The following DLC1 variants were observed in gnomAD, a reference collection of about 807,000 sequenced individuals.
The protein encoded by DLC1 is DLC1 Rho GTPase activating protein, also known as rho GTPase-activating protein 7.
A neutral mutation model predicts 140.3 loss-of-function variants in DLC1; 54 were observed. The ratio of observed to expected loss-of-function variants is 0.38; its 90% CI spans 0.31 to 0.48. The LOEUF is 0.48. DLC1 is among the 20% of genes least tolerant of loss of function. The pLI is 0.96. For synonymous variants in DLC1, 986 were observed against 728.1 expected (o/e 1.35, Z -5.70); for missense variants, 2,536 against 1,907.0 (o/e 1.33, Z -6.14).
intron 6 of DLC1, among the ~76,000 whole-genome samples, chr8:13,112,712 T>C (rs1189884621): frequency 6.6e-6 from 1 of 152,154 alleles, no homozygotes; most frequent in Non-Finnish European, 1.5e-5. Flanking sequence ...TTTTTGTTTG[T>C]TTTCAAATTT....
At chr8:13,459,611 C>T (rs1286410622) in intron 2 of DLC1, among the ~76,000 whole-genome samples, 1 of 152,086 alleles carries the variant, frequency 6.6e-6, no homozygotes, top group African/African-American at 2.4e-5. Flanking sequence ...GAGCCCTGGG[C>T]CCCAGGACCC....
intron 5 of DLC1, among the ~76,000 whole-genome samples, chr8:13,258,036 C>A (rs17127890): frequency 1.3e-5 from 2 of 152,134 alleles, no homozygotes; most frequent in Non-Finnish European, 2.9e-5. Flanking sequence ...CAAGGAGCCA[C>A]AATTAAGTAA....
chr8:13,328,612 A>C (rs954932492), intron 4 of DLC1, among the ~76,000 whole-genome samples: 2 of 152,182 alleles, frequency 1.3e-5, no homozygotes, highest in Non-Finnish European at 2.9e-5. Flanking sequence ...GTGAGAATAG[A>C]GGTCTTGGCT....
rs1310236141 is a variant in DLC1, at chr8:13,084,397, C to A, written c.*1414G>T. ...AAAAATCCTTCTTACAGCTCTCATT[C>A]ATACATTATTCACTTTTGATCCATA... On this transcript the variant is annotated 3_prime_UTR_variant, in exon 18 of 18. Transcript: ENST00000276297. 1 of 152,564 alleles carries A rather than the reference C, an allele frequency of 6.6e-6. No individual in the cohort carries two copies. The highest frequency in any genetic ancestry group is 1.5e-5 in the Non-Finnish European group (1 of 68,022). The allele number at this position is 152,564 out of a possible 1,614,324, so 9.5% of individuals were successfully genotyped here. A position where few individuals can be genotyped will look rare whatever the true frequency, so the allele number is the denominator to read the frequency against.
chr8:13,602,844 C>G (rs565977801), intron 1 of DLC1, among the ~76,000 whole-genome samples: 1 of 151,758 alleles, frequency 6.6e-6, no homozygotes, highest in African/African-American at 2.4e-5. Flanking sequence ...TCCCACGTTA[C>G]TTAAAAAGAG....
chr8:13,092,484 G>A, intron 13 of DLC1, 128 bp downstream of exon 13: 2 of 969,038 alleles, frequency 2.1e-6, no homozygotes, highest in East Asian at 2.7e-5. Context: ...GTGTGAGAAT[G>A]GACTAATATA....
intron 2 of DLC1, among the ~76,000 whole-genome samples, chr8:13,489,664 C>G (rs966138347): frequency 7.6e-4 from 115 of 151,800 alleles, no homozygotes; most frequent in African/African-American, 2.7e-3. Context: ...GGACTGAAAC[C>G]CAGGCAGTTT....
At chr8:13,487,371 T>A (rs1422070351) in intron 2 of DLC1, among the ~76,000 whole-genome samples, 1 of 152,150 alleles carries the variant, frequency 6.6e-6, no homozygotes, top group Non-Finnish European at 1.5e-5. Context: ...TGGAAATTCA[T>A]CAATGAATTT....
At position 13,141,256 on chromosome 8, in the gene DLC1, C is replaced by CAAAAAAAAAAAAAAAAA. The variant is rs34321250; in HGVS notation, c.1349-25616_1349-25600dup. 6.3e-4 allele frequency among the ~76,000 whole-genome samples: 40 copies of CAAAAAAAAAAAAAAAAA among 63,766 alleles called. 2 individuals are homozygous for CAAAAAAAAAAAAAAAAA. Among genetic ancestry groups the CAAAAAAAAAAAAAAAAA allele is most frequent in the East Asian group, 1.2e-3 (3 of 2,454 alleles). 41.8% of individuals were successfully genotyped at this position (63,766 alleles called of 152,430 possible). The stretch of plus-strand genomic sequence containing the variant: ...GGTGACACAGTGCAAGAGTCTGTCT[C>CAAAAAAAAAAAAAAAAA]AAAAAAAAAAAAAAAAAAAAAAAAA... On this transcript the variant is annotated intron_variant, in intron 5 of 17. Coordinates refer to ENST00000276297, the MANE Select transcript of DLC1 (RefSeq NM_182643.3).
chr8:13,548,958 C>G (rs149804380), intron 1 of DLC1, among the ~76,000 whole-genome samples: 8 of 152,004 alleles, frequency 5.3e-5, no homozygotes, highest in African/African-American at 1.9e-4. Flanking sequence ...TGAAAGGATT[C>G]TTCTCTCTTT....
chr8:13,100,862 A>T (rs974870934), intron 8 of DLC1, 92 bp from the exon 9 acceptor site: 1 of 1,248,084 alleles, frequency 8.0e-7, no homozygotes, highest in Non-Finnish European at 1.1e-6. Context: ...ATATGCCAGT[A>T]GTATCAATTT....
chr8:13,108,713 C>G (rs1819800145), intron 7 of DLC1, among the ~76,000 whole-genome samples: 1 of 152,154 alleles, frequency 6.6e-6, no homozygotes, highest in African/African-American at 2.4e-5. Flanking sequence ...TGATGTAATG[C>G]TTAAATATTT....
In DLC1 at chr8:13,272,657, C is replaced by T. The variant is rs185502723; in HGVS notation, c.1348+32612G>A. 4.5e-4 allele frequency among the ~76,000 whole-genome samples: 68 copies of T among 151,984 alleles called. No homozygotes were observed. In the South Asian group the frequency reaches 0.011, roughly 25 times the overall value. ...CAGTCGGATCACGAGGTCAAGAGAT[C>T]GAGACCATCCTGGCTAACACGGTGA... On this transcript the variant is annotated intron_variant, in intron 5 of 17. Transcript: ENST00000276297.
chr8:13,333,595 C>A (rs1833693546), intron 4 of DLC1, among the ~76,000 whole-genome samples: 1 of 152,174 alleles, frequency 6.6e-6, no homozygotes, highest in Admixed American at 6.5e-5. Context: ...GAGGGCATTT[C>A]AAGATGCAGT....
At chr8:13,255,652 C>T (rs943852790) in intron 5 of DLC1, among the ~76,000 whole-genome samples, 2 of 152,134 alleles carry the variant, frequency 1.3e-5, no homozygotes, top group African/African-American at 4.8e-5. Flanking sequence ...GTCTCTGCAC[C>T]CTGCACCAGG....
At chr8:13,132,243 T>G (rs1357395464) in intron 5 of DLC1, among the ~76,000 whole-genome samples, 2 of 111,368 alleles carry the variant, frequency 1.8e-5, no homozygotes, top group Admixed American at 7.8e-5. Context: ...GTGTGTGTGT[T>G]TCCTAGCAAG....
intron 5 of DLC1, among the ~76,000 whole-genome samples, chr8:13,241,553 G>A (rs971758209): frequency 6.6e-6 from 1 of 152,172 alleles, no homozygotes; most frequent in Non-Finnish European, 1.5e-5. Context: ...TTCAGTAAGA[G>A]TCTCTGAATG....
chr8:13,484,436 A>C (rs906796489), intron 2 of DLC1, among the ~76,000 whole-genome samples: 56 of 152,156 alleles, frequency 3.7e-4, no homozygotes, highest in African/African-American at 1.3e-3. Flanking sequence ...GTTCTCAATA[A>C]ACATTTTTAA....
rs987816603 is a variant in DLC1, at chr8:13,085,674, T to G, written c.*137A>C. ...AAGCAGCTTTAAAAATGTATCAAAT[T>G]GCTATAGTCAATTCCTACACTCCAG... On this transcript the variant is annotated 3_prime_UTR_variant, in exon 18 of 18. Coordinates refer to ENST00000276297, the MANE Select transcript of DLC1 (RefSeq NM_182643.3). The G allele has an allele frequency of 2.3e-6, 3 of 1,328,334 alleles. No individual in the cohort carries two copies. The African/African-American group carries it at 4.4e-5, about 19-fold the overall frequency. 82.3% of individuals were successfully genotyped at this position (1,328,334 alleles called of 1,614,324 possible).
Sources: allele counts gnomAD v4.1 joint callset (sites outside exome capture counted in the v4.1 genomes callset), GRCh38; gene constraint gnomAD v4.1.1; transcripts MANE v1.5; gene names NCBI Gene and HGNC (gene_info 2026-07-23, HGNC 2026-07-21).